Variants in GRIK2 observed in about 807,000 individuals in gnomAD.
GRIK2 encodes the protein glutamate ionotropic receptor kainate type subunit 2.
Under a neutral mutation model 100.3 loss-of-function variants are expected in GRIK2, and 32 were observed. The observed-to-expected ratio is 0.32, with a 90% CI of 0.24 to 0.43. The LOEUF (loss-of-function observed/expected upper bound fraction) is 0.43, where lower values mean the gene tolerates loss of function less well. Among genes scored for constraint, GRIK2 ranks in the 20% least tolerant of loss-of-function variants. The pLI is 1.00. For missense variants in GRIK2, 843 were observed against 1,114.9 expected (o/e 0.76, Z 3.47); for synonymous variants, 417 against 389.4 (o/e 1.07, Z -0.83).
intron 14 of GRIK2, among the ~76,000 whole-genome samples, chr6:101,965,426 A>T (rs1450822716): frequency 6.6e-6 from 1 of 151,612 alleles, no homozygotes; most frequent in Non-Finnish European, 1.5e-5. Context: ...CCATTTCTAT[A>T]ACAAGTCAGA....
intron 4 of GRIK2, among the ~76,000 whole-genome samples, chr6:101,649,262 G>A (rs975577677): frequency 6.6e-6 from 1 of 152,084 alleles, no homozygotes; most frequent in African/African-American, 2.4e-5. Flanking sequence ...CAGAAACTGT[G>A]ATAGCATATT....
rs529020200 is a variant in GRIK2 at position 101,902,320 on chromosome 6, C to T, written c.1748+12457C>T. ...CTGTAAAAGTTAATAGCAGGTAGTT[C>T]GGGTGGAATGTATTGACATACAAAT... On this transcript the variant is annotated intron_variant, in intron 12 of 16. Coordinates refer to ENST00000369134, the MANE Select transcript of GRIK2 (RefSeq NM_021956.5). 1.1e-4 allele frequency among the ~76,000 whole-genome samples: 16 copies of T among 151,790 alleles called. No homozygotes were observed. In the South Asian group the frequency reaches 1.7e-3, roughly 16 times the overall value.
chr6:101,880,509 T>C (rs1786172304), intron 11 of GRIK2, among the ~76,000 whole-genome samples: 1 of 152,074 alleles, frequency 6.6e-6, no homozygotes, highest in South Asian at 2.1e-4. Flanking sequence ...CTCTGCCAAG[T>C]CTATCAGTGG....
At chr6:101,403,981 A>C (rs1009445562) in intron 2 of GRIK2, among the ~76,000 whole-genome samples, 1 of 152,226 alleles carries the variant, frequency 6.6e-6, no homozygotes, top group Admixed American at 6.5e-5. Flanking sequence ...GATCCATCAA[A>C]AGAGGCACAA....
intron 9 of GRIK2, among the ~76,000 whole-genome samples, chr6:101,807,258 T>G (rs1781062447): frequency 6.6e-6 from 1 of 151,942 alleles, no homozygotes; most frequent in African/African-American, 2.4e-5. Context: ...GATTTTAGAT[T>G]GCAGAAGGTC....
chr6:101,691,457 C>G (rs1400704827), intron 7 of GRIK2, among the ~76,000 whole-genome samples: 1 of 152,004 alleles, frequency 6.6e-6, no homozygotes, highest in Non-Finnish European at 1.5e-5. Context: ...ACCACCACGC[C>G]TGGCTAATTT....
chr6:101,633,047 CTGAG>C (rs932372585), intron 4 of GRIK2, among the ~76,000 whole-genome samples: 1 of 152,084 alleles, frequency 6.6e-6, no homozygotes, highest in African/African-American at 2.4e-5. Flanking sequence ...TTCATTATGA[CTGAG>C]TAACAGAAAC....
At chr6:101,615,283 A>G (rs907322654) in intron 2 of GRIK2, among the ~76,000 whole-genome samples, 5 of 151,812 alleles carry the variant, frequency 3.3e-5, no homozygotes, top group Non-Finnish European at 7.4e-5. Context: ...TGAATTAAGA[A>G]ATAAAACAAT....
At chr6:101,865,757 T>C (rs1204490442) in intron 11 of GRIK2, among the ~76,000 whole-genome samples, 1 of 151,712 alleles carries the variant, frequency 6.6e-6, no homozygotes, top group African/African-American at 2.4e-5. Context: ...GGTGTGCTGG[T>C]GCACTCCCGT....
At chr6:101,786,644 T>C (rs2128404771) in intron 7 of GRIK2, among the ~76,000 whole-genome samples, 1 of 152,274 alleles carries the variant, frequency 6.6e-6, no homozygotes, top group East Asian at 1.9e-4. Context: ...TAAATTCCAC[T>C]TGATCATGTT....
intron 7 of GRIK2, among the ~76,000 whole-genome samples, chr6:101,726,442 T>TTAA (rs536348767): frequency 2.0e-5 from 3 of 152,012 alleles, no homozygotes; most frequent in Non-Finnish European, 2.9e-5. Context: ...TAGTTCTGTT[T>TTAA]TAATAATAAA....
chr6:101,430,928 G>A (rs1769347114), intron 2 of GRIK2: 1 of 329,594 alleles, frequency 3.0e-6, no homozygotes, highest in South Asian at 3.6e-5. Flanking sequence ...TGAGGTCCAG[G>A]TGCAGGATGG....
intron 14 of GRIK2, among the ~76,000 whole-genome samples, chr6:101,961,518 C>T (rs1792299540): frequency 6.6e-6 from 1 of 152,130 alleles, no homozygotes; most frequent in African/African-American, 2.4e-5. Flanking sequence ...AGGCAGAAGT[C>T]CCCCTATCCA....
chr6:101,490,472 G>A (rs1773048008), intron 2 of GRIK2, among the ~76,000 whole-genome samples: 1 of 146,460 alleles, frequency 6.8e-6, no homozygotes, highest in Admixed American at 6.8e-5. Context: ...AATTGCCACA[G>A]GTGTTCAAAG....
At chr6:101,464,809 C>T (rs1443863049) in intron 2 of GRIK2, among the ~76,000 whole-genome samples, 2 of 152,086 alleles carry the variant, frequency 1.3e-5, no homozygotes, top group East Asian at 1.9e-4. Flanking sequence ...CGTGAGCCAC[C>T]GTGCCCGGCC....
At chr6:101,953,789 G>C (rs1055162033) in intron 14 of GRIK2, among the ~76,000 whole-genome samples, 3 of 152,012 alleles carry the variant, frequency 2.0e-5, no homozygotes, top group African/African-American at 7.2e-5. Context: ...TTTATTGTTT[G>C]GATCCTTGCT....
At chr6:101,945,900 T>C (rs1428026478) in intron 14 of GRIK2, among the ~76,000 whole-genome samples, 3 of 140,306 alleles carry the variant, frequency 2.1e-5, no homozygotes. Context: ...TAATAGATTC[T>C]CTATCTACTG....
intron 14 of GRIK2, among the ~76,000 whole-genome samples, chr6:101,967,554 T>G (rs553062035): frequency 6.6e-6 from 1 of 152,218 alleles, no homozygotes; most frequent in Non-Finnish European, 1.5e-5. Flanking sequence ...CAAACACAGT[T>G]GCATAGTCAC....
chr6:101,718,543 A>G (rs946383021), intron 7 of GRIK2, among the ~76,000 whole-genome samples: 11 of 151,912 alleles, frequency 7.2e-5, no homozygotes, highest in Admixed American at 6.6e-5. Context: ...TTTGAAGGAG[A>G]AAAGATTAAA....
Sources: allele counts gnomAD v4.1 joint callset (sites outside exome capture counted in the v4.1 genomes callset), GRCh38; gene constraint gnomAD v4.1.1; transcripts MANE v1.5; gene names NCBI Gene and HGNC (gene_info 2026-07-23, HGNC 2026-07-21).